Variants in CACNA2D1 observed in about 807,000 individuals in gnomAD.
CACNA2D1 encodes voltage-dependent calcium channel subunit alpha-2/delta-1.
CACNA2D1 carries 53 observed loss-of-function variants against 171.5 expected under a neutral mutation model. The ratio of observed to expected loss-of-function variants is 0.31; its 90% confidence interval spans 0.25 to 0.39. The LOEUF is 0.39. Among genes scored for constraint, CACNA2D1 ranks in the 10% least tolerant of loss-of-function variants. The probability of loss-of-function intolerance (pLI) is 1.00; values close to 1 mark genes in which losing one functional copy is unlikely to be tolerated. For synonymous variants in CACNA2D1, 442 were observed against 443.1 expected (o/e 1.00, Z 0.03); for missense variants, 903 against 1,299.8 (o/e 0.69, Z 4.69).
chr7:82,144,195 T>TC (rs1381158172), intron 4 of CACNA2D1, among the ~76,000 whole-genome samples: 1 of 150,620 alleles, frequency 6.6e-6, no homozygotes, highest in Non-Finnish European at 1.5e-5. Context: ...CATTTTTTTT[T>TC]CTTAAGCTAG....
At chr7:82,437,068 C>T (rs1432497478) in intron 1 of CACNA2D1, among the ~76,000 whole-genome samples, 1 of 152,028 alleles carries the variant, frequency 6.6e-6, no homozygotes, top group East Asian at 1.9e-4. Context: ...AGAGAAATGT[C>T]TGGTGATAAC....
At chr7:82,150,470 G>C (rs1173721687) in intron 4 of CACNA2D1, among the ~76,000 whole-genome samples, 1 of 149,550 alleles carries the variant, frequency 6.7e-6, no homozygotes, top group Non-Finnish European at 1.5e-5. Context: ...TTTTGTAGAA[G>C]CATGTAAAAC....
intron 3 of CACNA2D1, among the ~76,000 whole-genome samples, chr7:82,196,582 C>T (rs1387841346): frequency 6.6e-6 from 1 of 151,970 alleles, no homozygotes; most frequent in Non-Finnish European, 1.5e-5. Flanking sequence ...TTTAGTTGGT[C>T]TGTTTGTAGA....
At position 82,066,528 on chromosome 7, in the gene CACNA2D1, A is replaced by G. The variant is rs1584614898; in HGVS notation, c.659-4T>C. 1 of 404,650 alleles carries G rather than the reference A, an allele frequency of 2.5e-6. No homozygotes were observed. The highest frequency in any genetic ancestry group is 4.4e-5 in the South Asian group (1 of 22,524). 25.1% of individuals were successfully genotyped at this position (404,650 alleles called of 1,614,324 possible). A position where few individuals can be genotyped will look rare whatever the true frequency, so the allele number is the denominator to read the frequency against. On this transcript the variant is annotated splice_region_variant and splice_polypyrimidine_tract_variant and intron_variant, in intron 7 of 38. Coordinates refer to ENST00000356860, the MANE Select transcript of CACNA2D1 (RefSeq NM_000722.4). ...CTATTATCAACCCATGGTGAAGCTA[A>G]AAAAAAAAAAAAAAGAGAGATATTA...
intron 5 of CACNA2D1, among the ~76,000 whole-genome samples, chr7:82,133,579 A>G (rs1345150713): frequency 6.6e-6 from 1 of 152,176 alleles, no homozygotes; most frequent in African/African-American, 2.4e-5. Context: ...ATCTATCCTA[A>G]AAATAAGTTT....
At chr7:82,196,719 T>G (rs3819439) in intron 3 of CACNA2D1, among the ~76,000 whole-genome samples, 65,536 of 151,548 alleles carry the variant, frequency 0.43, 14,505 homozygotes, top group East Asian at 0.59. Flanking sequence ...CAAAATAGAC[T>G]CCGATTTATA....
intron 1 of CACNA2D1, among the ~76,000 whole-genome samples, chr7:82,419,109 C>CAAA (rs370697144): frequency 2.0e-5 from 2 of 98,208 alleles, no homozygotes; most frequent in Admixed American, 2.1e-4. Flanking sequence ...GACTCCATCT[C>CAAA]AAAAAAAAAA....
intron 6 of CACNA2D1, among the ~76,000 whole-genome samples, chr7:82,098,066 G>A (rs902812476): frequency 6.6e-6 from 1 of 151,858 alleles, no homozygotes; most frequent in Non-Finnish European, 1.5e-5. Context: ...GTGAGCCGAG[G>A]TTGCAATGAG....
chr7:82,111,445 T>TATATATATATATATATATA (rs370516065), intron 6 of CACNA2D1, among the ~76,000 whole-genome samples: 1 of 49,108 alleles, frequency 2.0e-5, no homozygotes, highest in African/African-American at 7.4e-5. Context: ...TATATATATA[T>TATATATATATATATATATA]TTTTTTTTTT....
chr7:82,319,887 C>T (rs1281606398), intron 3 of CACNA2D1, among the ~76,000 whole-genome samples: 1 of 152,170 alleles, frequency 6.6e-6, no homozygotes, highest in Non-Finnish European at 1.5e-5. Context: ...CAAGACACAA[C>T]TTGGTTTTTG....
At chr7:82,192,153 A>G (rs555476112) in intron 3 of CACNA2D1, among the ~76,000 whole-genome samples, 1 of 151,798 alleles carries the variant, frequency 6.6e-6, no homozygotes, top group African/African-American at 2.4e-5. Context: ...AATGTAAAGA[A>G]ACAGAAAATG....
At chr7:82,017,153 T>G (rs1272790878) in intron 12 of CACNA2D1, among the ~76,000 whole-genome samples, 1 of 152,088 alleles carries the variant, frequency 6.6e-6, no homozygotes, top group East Asian at 1.9e-4. Flanking sequence ...TTAATGATTT[T>G]ATGGATTATA....
At chr7:82,429,719 G>A (rs978343572) in intron 1 of CACNA2D1, among the ~76,000 whole-genome samples, 3 of 152,022 alleles carry the variant, frequency 2.0e-5, no homozygotes, top group Non-Finnish European at 4.4e-5. Context: ...CATTACCATC[G>A]AGCAAAAATA....
intron 1 of CACNA2D1, among the ~76,000 whole-genome samples, chr7:82,383,109 T>C (rs984669500): frequency 2.0e-5 from 3 of 152,194 alleles, no homozygotes; most frequent in Admixed American, 2.0e-4. Flanking sequence ...CCACTAGGTA[T>C]ATTTACACAT....
chr7:82,039,136 A>C (rs890491435), intron 10 of CACNA2D1, among the ~76,000 whole-genome samples: 1 of 152,308 alleles, frequency 6.6e-6, no homozygotes, highest in Admixed American at 6.5e-5. Flanking sequence ...AAAAAAAAGC[A>C]TATTTGCCAG....
At chr7:82,349,149 C>T (rs957750125) in intron 2 of CACNA2D1, among the ~76,000 whole-genome samples, 1 of 151,972 alleles carries the variant, frequency 6.6e-6, no homozygotes, top group Non-Finnish European at 1.5e-5. Context: ...ATAATTTTTA[C>T]CCTAATAGAA....
intron 3 of CACNA2D1, among the ~76,000 whole-genome samples, chr7:82,269,633 C>A (rs1006206444): frequency 4.6e-5 from 7 of 152,154 alleles, no homozygotes; most frequent in Admixed American, 1.3e-4. Flanking sequence ...CTGTGAGGTC[C>A]TTAAGGCAGA....
intron 18 of CACNA2D1, among the ~76,000 whole-genome samples, chr7:82,001,406 G>A (rs1472500545): frequency 6.6e-6 from 1 of 152,124 alleles, no homozygotes; most frequent in East Asian, 1.9e-4. Context: ...ATCTCGTTAT[G>A]ATTTCTCTGA....
At chr7:82,338,907 A>G (rs2299174) in intron 2 of CACNA2D1, among the ~76,000 whole-genome samples, 23,449 of 152,142 alleles carry the variant, frequency 0.15, 1,971 homozygotes, top group South Asian at 0.28. Context: ...AGAGGCTGAG[A>G]GATGGAAAGT....
Sources: allele counts gnomAD v4.1 joint callset (sites outside exome capture counted in the v4.1 genomes callset), GRCh38; gene constraint gnomAD v4.1.1; transcripts MANE v1.5; gene names NCBI Gene and HGNC (gene_info 2026-07-23, HGNC 2026-07-21).